The following TBX5 variants were observed in gnomAD, a reference collection of about 807,000 sequenced individuals.
TBX5 encodes T-box transcription factor TBX5.
In TBX5, 8 loss-of-function variants were observed where a neutral mutation model predicts 51.1. The observed-to-expected ratio is 0.16, with a 90% confidence interval of 0.09 to 0.28. TBX5 has a LOEUF of 0.28. Ranked by LOEUF, TBX5 falls within the 10% of genes least tolerant of loss-of-function variation. The pLI is 1.00. For synonymous variants in TBX5, 302 were observed against 266.4 expected, an observed-to-expected ratio of 1.13 and a Z score of -1.30; for missense variants, 589 against 671.7, an observed-to-expected ratio of 0.88 and a Z score of 1.36.
intron 7 of TBX5, among the ~76,000 whole-genome samples, chr12:114,381,964 C>G (rs1457720393): frequency 1.3e-5 from 2 of 152,182 alleles, no homozygotes; most frequent in Non-Finnish European, 2.9e-5. Flanking sequence ...AATGACTAGC[C>G]ACACTTTTCC....
intron 8 of TBX5, 105 bp from the exon 9 acceptor site, chr12:114,356,211 CTG>C (rs1868907841): frequency 8.1e-6 from 9 of 1,106,014 alleles, no homozygotes; most frequent in Non-Finnish European, 1.2e-5. Context: ...TCCTGAGAGA[CTG>C]TTAGCCCTAA....
chr12:114,403,286 G>A (rs1437015156), intron 2 of TBX5, among the ~76,000 whole-genome samples: 1 of 152,204 alleles, frequency 6.6e-6, no homozygotes, highest in Non-Finnish European at 1.5e-5. Flanking sequence ...GGAGGAGGCA[G>A]GAGGAGGCGG....
intron 1 of TBX5, among the ~76,000 whole-genome samples, chr12:114,404,677 C>A (rs534643700): frequency 6.6e-6 from 1 of 152,224 alleles, no homozygotes; most frequent in South Asian, 2.1e-4. Flanking sequence ...AGTCACCGTG[C>A]AGCCGTTCCG....
intron 2 of TBX5, 45 bp from the exon 3 acceptor site, chr12:114,401,965 G>T: frequency 1.3e-6 from 2 of 1,555,504 alleles, no homozygotes; most frequent in Non-Finnish European, 1.8e-6. Flanking sequence ...CCTGGCAGTA[G>T]TGGGCATTCC....
At chr12:114,360,709 G>T (rs185962229) in intron 8 of TBX5, among the ~76,000 whole-genome samples, 1 of 150,664 alleles carries the variant, frequency 6.6e-6, no homozygotes, top group Non-Finnish European at 1.5e-5. Flanking sequence ...ATGGATGAAT[G>T]AGTGAGTGGG....
intron 7 of TBX5, among the ~76,000 whole-genome samples, chr12:114,371,683 G>A (rs1593853168): frequency 6.7e-6 from 1 of 150,120 alleles, no homozygotes; most frequent in Admixed American, 6.7e-5. Context: ...GCGAGGGACT[G>A]TGAAATCCCT....
chr12:114,382,201 C>T (rs1031091472), intron 7 of TBX5, among the ~76,000 whole-genome samples: 2 of 152,112 alleles, frequency 1.3e-5, no homozygotes, highest in Non-Finnish European at 2.9e-5. Context: ...GGACACCCAG[C>T]TCCTTGGGAG....
chr12:114,406,516 G>A (rs1433338324), upstream of TBX5, among the ~76,000 whole-genome samples: 1 of 152,052 alleles, frequency 6.6e-6, no homozygotes, highest in Non-Finnish European at 1.5e-5. Flanking sequence ...TCTCTCCAAC[G>A]CTGACCTCGA....
At chr12:114,389,281 T>C (rs1267697630) in intron 6 of TBX5, among the ~76,000 whole-genome samples, 2 of 152,122 alleles carry the variant, frequency 1.3e-5, no homozygotes, top group African/African-American at 2.4e-5. Flanking sequence ...AAAATCCTTT[T>C]GGAAAGTCAT....
At chr12:114,402,828 T>C (rs1385596372) in intron 2 of TBX5, among the ~76,000 whole-genome samples, 2 of 147,956 alleles carry the variant, frequency 1.4e-5, no homozygotes, top group African/African-American at 5.0e-5. Context: ...AAAAAAAAAA[T>C]CCCTAAGTTT....
chr12:114,369,290 G>A (rs1285666843), intron 7 of TBX5, among the ~76,000 whole-genome samples: 1 of 152,160 alleles, frequency 6.6e-6, no homozygotes, highest in Non-Finnish European at 1.5e-5. Context: ...CAGCCAAATT[G>A]CAAAATTGCT....
Position 114,355,445 on chromosome 12 carries a change from TCTTGGCTA to T in TBX5, c.*79_*86del. On this transcript the variant is annotated 3_prime_UTR_variant, in exon 9 of 9. Transcript: ENST00000405440. ...ATGAAAAATCTTGTCCGTGGGGTTC[TCTTGGCTA>T]CTGTCTCTCTCCTTCTCTCTCTTTC... 1 of 1,521,240 alleles carries T rather than the reference TCTTGGCTA, an allele frequency of 6.6e-7. No homozygotes were observed. The highest frequency in any genetic ancestry group is 2.3e-5 in the East Asian group (1 of 42,930). 94.2% of individuals were successfully genotyped at this position (1,521,240 alleles called of 1,614,324 possible). A position where few individuals can be genotyped will look rare whatever the true frequency, so the allele number is the denominator to read the frequency against.
chr12:114,388,791 C>T (rs1304084403), intron 6 of TBX5, among the ~76,000 whole-genome samples: 2 of 147,594 alleles, frequency 1.4e-5, no homozygotes, highest in Non-Finnish European at 3.0e-5. Flanking sequence ...ACTATGTTGC[C>T]CAGGCTGGTC....
chr12:114,386,315 G>C (rs187320594), intron 6 of TBX5, among the ~76,000 whole-genome samples: 29 of 152,230 alleles, frequency 1.9e-4, no homozygotes, highest in African/African-American at 5.5e-4. Flanking sequence ...ATCCATCAAC[G>C]CATTATATTA....
intron 3 of TBX5, among the ~76,000 whole-genome samples, chr12:114,400,551 T>G (rs1413028641): frequency 2.0e-5 from 3 of 152,210 alleles, no homozygotes; most frequent in African/African-American, 7.2e-5. Context: ...CACTCAGCGA[T>G]GGCGGGAACG....
At chr12:114,358,293 A>AT (rs1054059329) in intron 8 of TBX5, among the ~76,000 whole-genome samples, 1 of 152,188 alleles carries the variant, frequency 6.6e-6, no homozygotes, top group African/African-American at 2.4e-5. Context: ...CATGTCCTCA[A>AT]TCCCAGTCTA....
At chr12:114,391,971 G>T (rs1871166758) in intron 6 of TBX5, among the ~76,000 whole-genome samples, 1 of 152,052 alleles carries the variant, frequency 6.6e-6, no homozygotes, top group South Asian at 2.1e-4. Flanking sequence ...TTCTCTCCCG[G>T]ATGTCAAGGA....
chr12:114,358,772 G>GTTTTTTTTTTTTTTTTTTTTTTTTTTTT (rs1270630074), intron 8 of TBX5, among the ~76,000 whole-genome samples: 1 of 127,992 alleles, frequency 7.8e-6, no homozygotes, highest in African/African-American at 3.0e-5. Flanking sequence ...ACTGTGCGGG[G>GTTTTTTTTTTTTTTTTTTTTTTTTTTTT]TTTTTTTTGT....
intron 1 of TBX5, 38 bp downstream of exon 1, chr12:114,405,590 C>T: frequency 1.6e-6 from 1 of 610,114 alleles, no homozygotes; most frequent in South Asian, 7.2e-5. Context: ...CGACGAGCTC[C>T]CTCCTGAGCC....
Sources: allele counts gnomAD v4.1 joint callset (sites outside exome capture counted in the v4.1 genomes callset), GRCh38; gene constraint gnomAD v4.1.1; transcripts MANE v1.5; gene names NCBI Gene and HGNC (gene_info 2026-07-23, HGNC 2026-07-21).